The following SEC23B variants were observed in gnomAD, a reference collection of about 807,000 sequenced individuals.
SEC23B encodes SEC23 homolog B, COPII component.
Under a neutral mutation model 104.3 loss-of-function variants are expected in SEC23B, and 77 were observed. The observed-to-expected ratio is 0.74, with a 90% confidence interval of 0.61 to 0.89. The LOEUF (loss-of-function observed/expected upper bound fraction) is 0.89, where lower values mean the gene tolerates loss of function less well. SEC23B is among the 40% of genes least tolerant of loss of function. The pLI, the probability that SEC23B is intolerant of heterozygous loss-of-function variation, is 0.00. For missense variants in SEC23B, 885 were observed against 949.4 expected (o/e 0.93, Z 0.89); for synonymous variants, 338 against 332.5 (o/e 1.02, Z -0.18).
In SEC23B at chr20:18,535,868, G is replaced by C. The variant is rs1018495460; in HGVS notation, c.1404+126G>C. 4 of 761,000 alleles carry C rather than the reference G, an allele frequency of 5.3e-6. No homozygotes were observed. In the African/African-American group the frequency reaches 6.9e-5, roughly 13 times the overall value. The allele number at this position is 761,000 out of a possible 1,614,324, so 47.1% of individuals were successfully genotyped here. A position where few individuals can be genotyped will look rare whatever the true frequency, so the allele number is the denominator to read the frequency against. On this transcript the variant is annotated intron_variant, in intron 12 of 19. Coordinates refer to ENST00000650089, the MANE Select transcript of SEC23B (RefSeq NM_006363.6). ...CCTTGGGTATTGTATTAGGCCTGAT[G>C]ATAGTCTGGCATGACCTTTTCTTAT... is the stretch of plus-strand genomic sequence containing the variant.
intron 4 of SEC23B, among the ~76,000 whole-genome samples, chr20:18,523,394 TTTC>T: frequency 2.5e-5 from 2 of 80,686 alleles, no homozygotes. Flanking sequence ...GTTTCTTTCC[TTTC>T]TTTTTTTTTT....
intron 19 of SEC23B, among the ~76,000 whole-genome samples, chr20:18,557,443 C>G (rs1028631205): frequency 6.6e-6 from 1 of 151,660 alleles, no homozygotes; most frequent in African/African-American, 2.4e-5. Flanking sequence ...CCTGGCCAGG[C>G]CCTAGGTATT....
At chr20:18,548,913 A>T in intron 16 of SEC23B, 143 bp downstream of exon 16, 1 of 800,194 alleles carries the variant, frequency 1.2e-6, no homozygotes, top group Middle Eastern at 3.4e-4. Flanking sequence ...CTATTAAAAA[A>T]TACCTTTAGG....
At chr20:18,554,540 T>C in intron 18 of SEC23B, 150 bp downstream of exon 18, 8 of 1,129,908 alleles carry the variant, frequency 7.1e-6, no homozygotes, top group African/African-American at 1.5e-5. Context: ...TTTAAATGAG[T>C]GGTCAGGCCA....
rs1363351725 is a variant in SEC23B, at chr20:18,525,903, G to C, written c.805G>C (p.Ala269Pro). 6.2e-7 allele frequency: 1 copy of C among 1,614,094 alleles called. No individual in the cohort carries two copies. Among genetic ancestry groups the C allele is most frequent in the Non-Finnish European group, 8.5e-7 (1 of 1,180,046 alleles). ...GKRPLRSTGV[A>P]LSIAVGLLEG... is the part of the protein sequence containing the mutation. Reference sequence around the variant, plus strand: ...GAGACCTTTGCGATCCACTGGTGTGGCTTTGTCCATTGCTGTTGGCTTGCT... The same window carrying C: ...GAGACCTTTGCGATCCACTGGTGTGCCTTTGTCCATTGCTGTTGGCTTGCT... The change falls in exon 7 of 20, where the codon GCT (alanine) becomes CCT (proline). Residue 269 changes from alanine to proline, a missense_variant. Coordinates refer to ENST00000650089, the MANE Select transcript of SEC23B (RefSeq NM_006363.6).
At chr20:18,538,588 T>A (rs2060258592) in intron 12 of SEC23B, among the ~76,000 whole-genome samples, 1 of 152,148 alleles carries the variant, frequency 6.6e-6, no homozygotes, top group Non-Finnish European at 1.5e-5. Context: ...TGAAATTTGC[T>A]GCATCAGTCG....
At chr20:18,528,866 A>C (rs1170008242) in intron 9 of SEC23B, among the ~76,000 whole-genome samples, 1 of 152,226 alleles carries the variant, frequency 6.6e-6, no homozygotes, top group Non-Finnish European at 1.5e-5. Context: ...TCTGTTGCAC[A>C]CATGTGTTAG....
Position 18,515,670 on chromosome 20 carries a change from C to T in SEC23B, c.300C>T (p.Gly100=), listed in dbSNP as rs575212610. The change falls in exon 4 of 20, where the codon GGC becomes GGT. Residue 100 remains glycine, a synonymous_variant. Transcript: ENST00000650089. ...TTCAGTTTCCTCCAGCTTATGGAGG[C>T]ATATCTGAGGTGAATCAACCTGCCG... ...QRNQFPPAYG[G]ISEVNQPAEL... The T allele has an allele frequency of 1.3e-5, 21 of 1,608,784 alleles. No homozygotes were observed. The East Asian group carries it at 3.3e-4, about 26-fold the overall frequency.
rs143942999 is a variant in SEC23B, at chr20:18,558,863, C to A, written c.2215-1788C>A. ...ATTTTTATCATGGCTGTTTTAAAAT[C>A]TTTGTCAGGTGATTCTAACATTGTT... On this transcript the variant is annotated intron_variant, in intron 19 of 19. Transcript: ENST00000650089. Among the ~76,000 whole-genome samples, 586 of 152,196 alleles carry A rather than the reference C, an allele frequency of 3.9e-3. 3 individuals carry two copies. The highest frequency in any genetic ancestry group is 0.014 in the African/African-American group (564 of 41,528).
intron 17 of SEC23B, 42 bp downstream of exon 17, chr20:18,551,217 A>T (rs1265074085): frequency 8.7e-7 from 1 of 1,152,494 alleles, no homozygotes; most frequent in South Asian, 1.3e-5. Flanking sequence ...TTTTGTTTTT[A>T]AATTGGAGAA....
chr20:18,548,092 C>T (rs967259138), intron 15 of SEC23B, among the ~76,000 whole-genome samples: 4 of 152,042 alleles, frequency 2.6e-5, no homozygotes, highest in African/African-American at 7.2e-5. Context: ...GCTGGGATTA[C>T]AGGCGCCCAC....
At chr20:18,524,043 C>T (rs1440348391) in intron 4 of SEC23B, among the ~76,000 whole-genome samples, 1 of 152,132 alleles carries the variant, frequency 6.6e-6, no homozygotes, top group Non-Finnish European at 1.5e-5. Context: ...GCCCTGATTT[C>T]TCTGTTTAAC....
rs1213738711 is a variant in SEC23B at position 18,525,039 on chromosome 20, G to T, written c.689+19G>T. Reference sequence around the variant, plus strand: ...CAAGCAGGTGAGAGCCCAACATGGAGTGTTACACGTATTGTGATGGACATG... The same window carrying T: ...CAAGCAGGTGAGAGCCCAACATGGATTGTTACACGTATTGTGATGGACATG... On this transcript the variant is annotated intron_variant, in intron 6 of 19. Coordinates refer to ENST00000650089, the MANE Select transcript of SEC23B (RefSeq NM_006363.6). The T allele has an allele frequency of 2.5e-6, 4 of 1,605,584 alleles. No individual in the cohort carries two copies. The highest frequency in any genetic ancestry group is 2.6e-6 in the Non-Finnish European group (3 of 1,172,220).
At chr20:18,540,846 A>C (rs1249587967) in intron 12 of SEC23B, among the ~76,000 whole-genome samples, 1 of 152,218 alleles carries the variant, frequency 6.6e-6, no homozygotes, top group South Asian at 2.1e-4. Flanking sequence ...ACAGAGCAAG[A>C]ACCTGTCTTA....
At chr20:18,513,995 G>C (rs1041576739) in intron 3 of SEC23B, among the ~76,000 whole-genome samples, 2 of 152,122 alleles carry the variant, frequency 1.3e-5, no homozygotes, top group Non-Finnish European at 2.9e-5. Flanking sequence ...TGAGATTATT[G>C]TGAGAATTAA....
At position 18,510,985 on chromosome 20, in the gene SEC23B, C is replaced by T; in HGVS notation, c.150C>T (p.Asp50=). ...TTACTCCTTTGAAAGAACGTCCAGA[C>T]CTACCTCCTGTACAATATGAACCTG... ...CLLTPLKERP[D]LPPVQYEPVL... Residue 50 remains aspartate, a synonymous_variant, in exon 2 of 20, where the codon GAC becomes GAT. Coordinates refer to ENST00000650089, the MANE Select transcript of SEC23B (RefSeq NM_006363.6). 6.2e-7 allele frequency: 1 copy of T among 1,614,178 alleles called. No homozygotes were observed. Among genetic ancestry groups the T allele is most frequent in the Non-Finnish European group, 8.5e-7 (1 of 1,180,020 alleles).
At chr20:18,551,048 C>T (rs774088093) in intron 16 of SEC23B, 41 bp from the exon 17 acceptor site, 3 of 1,275,264 alleles carry the variant, frequency 2.4e-6, no homozygotes, top group South Asian at 2.4e-5. Flanking sequence ...GTGTGGGGAG[C>T]AGGGAAGACC....
Position 18,555,092 on chromosome 20 carries a change from G to T in SEC23B, c.2149-16G>T, listed in dbSNP as rs1425489217. On this transcript the variant is annotated splice_polypyrimidine_tract_variant and intron_variant, in intron 18 of 19. Coordinates refer to ENST00000650089, the MANE Select transcript of SEC23B (RefSeq NM_006363.6). Reference sequence around the variant, plus strand: ...TTTTTAATCTTTAAATCTTTTTGTTGTTGTTGTTGTTAAAGGCTCGATTCC... The same window carrying T: ...TTTTTAATCTTTAAATCTTTTTGTTTTTGTTGTTGTTAAAGGCTCGATTCC... 6.2e-7 allele frequency: 1 copy of T among 1,608,520 alleles called. No individual in the cohort carries two copies. The highest frequency in any genetic ancestry group is 1.7e-5 in the Admixed American group (1 of 59,956).
intron 3 of SEC23B, 36 bp from the exon 4 acceptor site, chr20:18,515,614 A>T (rs759263643): frequency 1.6e-6 from 2 of 1,215,708 alleles, no homozygotes; most frequent in East Asian, 4.6e-5. Flanking sequence ...TAATATAGTT[A>T]TGCCAACCCT....
Sources: allele counts gnomAD v4.1 joint callset (sites outside exome capture counted in the v4.1 genomes callset), GRCh38; gene constraint gnomAD v4.1.1; transcripts MANE v1.5; gene names NCBI Gene and HGNC (gene_info 2026-07-23, HGNC 2026-07-21).